The following SCHIP1 variants were observed in gnomAD, a reference collection of about 807,000 sequenced individuals.
SCHIP1 encodes the protein schwannomin interacting protein 1.
SCHIP1 carries 8 observed loss-of-function variants against 29.7 expected under a neutral mutation model. The observed-to-expected ratio is 0.27, with a 90% confidence interval of 0.16 to 0.49. SCHIP1 has a LOEUF of 0.49. SCHIP1 is among the 20% of genes least tolerant of loss of function. SCHIP1 has a pLI of 0.99. For synonymous variants in SCHIP1, 76 were observed against 94.9 expected (o/e 0.80, Z 1.16); for missense variants, 193 against 294.6 (o/e 0.66, Z 2.52).
the SCHIP1 span, among the ~76,000 whole-genome samples, chr3:159,731,936 C>T: frequency 6.6e-6 from 1 of 152,010 alleles, no homozygotes; most frequent in Non-Finnish European, 1.5e-5. Context: ...GCAACCTCTG[C>T]CTCTAGGTTC....
chr3:159,824,574 T>C, the SCHIP1 span, among the ~76,000 whole-genome samples: 3 of 152,260 alleles, frequency 2.0e-5, no homozygotes, highest in Non-Finnish European at 4.4e-5. Context: ...GGGCCAGACC[T>C]GTACTCTATG....
the SCHIP1 span, chr3:159,722,479 C>T: frequency 6.6e-6 from 1 of 152,296 alleles, no homozygotes; most frequent in Non-Finnish European, 1.5e-5. Flanking sequence ...ATCAAATCCA[C>T]AGGATCTATA....
the SCHIP1 span, among the ~76,000 whole-genome samples, chr3:159,729,917 G>C: frequency 0.027 from 4,088 of 152,204 alleles, 94 homozygotes; most frequent in African/African-American, 0.061. Flanking sequence ...AGACAGCCTT[G>C]TATTCTGCCA....
At chr3:159,289,851 C>T in the SCHIP1 span, among the ~76,000 whole-genome samples, 8 of 152,300 alleles carry the variant, frequency 5.3e-5, no homozygotes, top group South Asian at 8.3e-4. Flanking sequence ...TGGCACATTT[C>T]AACGTTCTTA....
chr3:159,441,063 G>C, the SCHIP1 span, among the ~76,000 whole-genome samples: 1 of 152,102 alleles, frequency 6.6e-6, no homozygotes, highest in African/African-American at 2.4e-5. Context: ...ATGTGGATTA[G>C]TCCCCAAAAA....
At chr3:159,703,801 G>C in the SCHIP1 span, among the ~76,000 whole-genome samples, 149 of 152,260 alleles carry the variant, frequency 9.8e-4, no homozygotes, top group Non-Finnish European at 1.7e-3. Context: ...ATTCTGGTTG[G>C]TCTACAGGTT....
the SCHIP1 span, among the ~76,000 whole-genome samples, chr3:159,626,176 C>A: frequency 2.1e-3 from 147 of 71,240 alleles, 4 homozygotes; most frequent in African/African-American, 4.8e-3. Context: ...ATATATCTAT[C>A]TATCTAGATA....
At chr3:159,511,493 G>A in the SCHIP1 span, among the ~76,000 whole-genome samples, 13 of 152,158 alleles carry the variant, frequency 8.5e-5, no homozygotes, top group Non-Finnish European at 1.3e-4. Context: ...ACTGTTCAAT[G>A]AGCCCCAGTG....
At chr3:159,342,190 T>C in the SCHIP1 span, among the ~76,000 whole-genome samples, 2 of 152,318 alleles carry the variant, frequency 1.3e-5, no homozygotes, top group Non-Finnish European at 2.9e-5. Flanking sequence ...CAAGACCTTG[T>C]CAGCTTCTCA....
chr3:159,455,764 G>T, the SCHIP1 span, among the ~76,000 whole-genome samples: 1 of 152,216 alleles, frequency 6.6e-6, no homozygotes, highest in Non-Finnish European at 1.5e-5. Flanking sequence ...AGGCAGGGTT[G>T]AGAGGCCAGG....
the SCHIP1 span, among the ~76,000 whole-genome samples, chr3:159,696,475 G>A: frequency 6.6e-6 from 1 of 152,108 alleles, no homozygotes; most frequent in African/African-American, 2.4e-5. Flanking sequence ...TCCAACTTAG[G>A]CGCCCTTCAT....
the SCHIP1 span, among the ~76,000 whole-genome samples, chr3:159,465,962 CTAAT>C: frequency 6.6e-6 from 1 of 152,034 alleles, no homozygotes; most frequent in African/African-American, 2.4e-5. Context: ...AGTGAATGAG[CTAAT>C]TATTTTTCCT....
the SCHIP1 span, among the ~76,000 whole-genome samples, chr3:159,432,327 TGTGTGTGTGTGTGAGAGA>T: frequency 4.0e-4 from 42 of 106,326 alleles, no homozygotes; most frequent in Middle Eastern, 4.5e-3. Context: ...TGTGTGTGTG[TGTGTGTGTGTGTGAGAGA>T]GAGAGAGAGA....
chr3:159,762,114 C>A, the SCHIP1 span, among the ~76,000 whole-genome samples: 2 of 152,200 alleles, frequency 1.3e-5, no homozygotes, highest in Admixed American at 6.5e-5. Context: ...AGGGCCACCT[C>A]CACCCCGCTG....
chr3:159,378,913 C>T, the SCHIP1 span, among the ~76,000 whole-genome samples: 1 of 152,196 alleles, frequency 6.6e-6, no homozygotes, highest in African/African-American at 2.4e-5. Context: ...ACTGTCTCTG[C>T]TTCTCTGTTG....
the SCHIP1 span, among the ~76,000 whole-genome samples, chr3:159,811,997 A>C: frequency 7.3e-6 from 1 of 136,870 alleles, no homozygotes; most frequent in Non-Finnish European, 1.5e-5. Context: ...TTTTTGGCAG[A>C]GTCTTGCTCT....
chr3:159,760,045 C>T, the SCHIP1 span, among the ~76,000 whole-genome samples: 1 of 113,028 alleles, frequency 8.8e-6, no homozygotes, highest in African/African-American at 3.5e-5. Context: ...ATACCCCAGT[C>T]TCATGGTGGC....
At chr3:159,405,476 T>A in the SCHIP1 span, among the ~76,000 whole-genome samples, 1 of 152,160 alleles carries the variant, frequency 6.6e-6, no homozygotes, top group Non-Finnish European at 1.5e-5. Context: ...TCAGCAGAAA[T>A]TCTGGAGTTG....
the SCHIP1 span, among the ~76,000 whole-genome samples, chr3:159,413,593 G>A: frequency 6.6e-6 from 1 of 152,118 alleles, no homozygotes; most frequent in South Asian, 2.1e-4. Context: ...GAGTATGTCT[G>A]AAGGCTTTTA....
Sources: gnomAD v4.1 joint callset for allele counts (sites outside exome capture counted in the v4.1 genomes callset) on GRCh38, gnomAD v4.1.1 for gene constraint, MANE v1.5 for transcripts, NCBI Gene and HGNC (gene_info 2026-07-23, HGNC 2026-07-21) for gene names.